The following TANC1 variants were observed in gnomAD, a reference collection of about 807,000 sequenced individuals.
TANC1 encodes tetratricopeptide repeat, ankyrin repeat and coiled-coil containing 1, also known as protein TANC1.
In TANC1, 77 loss-of-function variants were observed where a neutral mutation model predicts 149.7. The observed-to-expected ratio is 0.51, with a 90% CI of 0.43 to 0.62. The LOEUF is 0.62. Ranked by LOEUF, TANC1 falls within the 20% of genes least tolerant of loss-of-function variation. The pLI, the probability that TANC1 is intolerant of heterozygous loss-of-function variation, is 0.00. For missense variants in TANC1, 1,985 were observed against 2,321.8 expected, an observed-to-expected ratio of 0.85 and a Z score of 2.98; for synonymous variants, 854 against 925.0, an observed-to-expected ratio of 0.92 and a Z score of 1.39.
chr2:159,151,267 CTT>C (rs1229039626), intron 7 of TANC1, among the ~76,000 whole-genome samples: 2 of 152,186 alleles, frequency 1.3e-5, no homozygotes, highest in African/African-American at 4.8e-5. Context: ...ATTTAAGAGT[CTT>C]TATTTTTATA....
At chr2:159,112,243 T>G in intron 4 of TANC1, among the ~76,000 whole-genome samples, 1 of 152,076 alleles carries the variant, frequency 6.6e-6, no homozygotes, top group Non-Finnish European at 1.5e-5. Context: ...GTTGGTTTGT[T>G]TTTTGTTTTT....
chr2:159,225,792 G>T lies in TANC1; in HGVS notation c.3903+13G>T, dbSNP rs370022165. The T allele has an allele frequency of 1.0e-5, 16 of 1,601,530 alleles. No homozygotes were observed. The highest frequency in any genetic ancestry group is 1.3e-5 in the Non-Finnish European group (15 of 1,169,310). On this transcript the variant is annotated intron_variant, in intron 24 of 26. Transcript: ENST00000263635. ...TGTGATGTACAAAGTAAGTGGTTCC[G>T]CCCTTTTCTTTGCCATTGAAACTGC...
intron 3 of TANC1, among the ~76,000 whole-genome samples, chr2:159,067,778 C>G (rs1224805684): frequency 6.6e-6 from 1 of 152,162 alleles, no homozygotes; most frequent in Non-Finnish European, 1.5e-5. Flanking sequence ...GGTAACAGTT[C>G]TTCAAAACAG....
intron 2 of TANC1, among the ~76,000 whole-genome samples, chr2:159,043,590 A>G (rs1427191853): frequency 2.0e-5 from 3 of 152,150 alleles, no homozygotes; most frequent in Admixed American, 1.3e-4. Flanking sequence ...AGCTTTCCTA[A>G]TTTTATTGAC....
chr2:158,997,801 C>T (rs995052912), intron 1 of TANC1, among the ~76,000 whole-genome samples: 3 of 152,132 alleles, frequency 2.0e-5, no homozygotes, highest in Non-Finnish European at 1.5e-5. Context: ...AGAAGAATTT[C>T]GAGTAATGTT....
At chr2:159,201,938 C>A (rs2058276918) in intron 19 of TANC1, among the ~76,000 whole-genome samples, 1 of 152,240 alleles carries the variant, frequency 6.6e-6, no homozygotes, top group Admixed American at 6.5e-5. Flanking sequence ...AGGAGGACAG[C>A]TACCTGCCCA....
intron 2 of TANC1, among the ~76,000 whole-genome samples, chr2:159,059,888 T>TTGTGTGTGTGTG (rs140659801): frequency 0.06 from 6,872 of 114,622 alleles, 314 homozygotes; most frequent in Admixed American, 0.09. Flanking sequence ...GCAGACCTCT[T>TTGTGTGTGTGTG]TGTGTGTGTG....
intron 20 of TANC1, among the ~76,000 whole-genome samples, 182 bp downstream of exon 20, chr2:159,217,812 C>T (rs77532599): frequency 1.0e-3 from 159 of 152,290 alleles, no homozygotes; most frequent in East Asian, 8.7e-3. Flanking sequence ...CAGTTGGCCA[C>T]GTAGGCTGGG....
At chr2:159,084,249 C>G (rs1203846176) in intron 3 of TANC1, among the ~76,000 whole-genome samples, 3 of 126,708 alleles carry the variant, frequency 2.4e-5, no homozygotes, top group African/African-American at 8.7e-5. Context: ...GACTCCATCT[C>G]AAAAAAAAAA....
At chr2:159,215,290 T>G (rs2059272321) in intron 19 of TANC1, among the ~76,000 whole-genome samples, 1 of 152,052 alleles carries the variant, frequency 6.6e-6, no homozygotes, top group South Asian at 2.1e-4. Flanking sequence ...CTGTGACATG[T>G]GAAGAGGTGA....
chr2:159,120,593 A>T (rs943859046), intron 4 of TANC1, among the ~76,000 whole-genome samples: 1 of 152,184 alleles, frequency 6.6e-6, no homozygotes, highest in Non-Finnish European at 1.5e-5. Flanking sequence ...GTTTAAAAAA[A>T]TTTTAATTAT....
chr2:158,974,542 C>T (rs1271694122), intron 1 of TANC1, among the ~76,000 whole-genome samples: 1 of 152,122 alleles, frequency 6.6e-6, no homozygotes, highest in Non-Finnish European at 1.5e-5. Context: ...AAGTGATTCT[C>T]CTGCCTCGGC....
chr2:159,187,825 CATA>C (rs1191100271), intron 16 of TANC1, among the ~76,000 whole-genome samples: 2 of 152,258 alleles, frequency 1.3e-5, no homozygotes, highest in East Asian at 3.9e-4. Flanking sequence ...ATTCTATAAT[CATA>C]AGAAAGATGA....
intron 4 of TANC1, among the ~76,000 whole-genome samples, chr2:159,127,819 A>G (rs1259434152): frequency 1.3e-5 from 2 of 152,228 alleles, no homozygotes; most frequent in South Asian, 2.1e-4. Context: ...ATGTTTACCT[A>G]TGTAACAGAC....
intron 1 of TANC1, among the ~76,000 whole-genome samples, chr2:158,969,593 T>G (rs1460366789): frequency 6.6e-6 from 1 of 152,188 alleles, no homozygotes; most frequent in Non-Finnish European, 1.5e-5. Context: ...CGCAGCGCTG[T>G]GGGTGTGCGG....
At chr2:159,064,709 G>C (rs888735510) in intron 2 of TANC1, among the ~76,000 whole-genome samples, 6 of 152,186 alleles carry the variant, frequency 3.9e-5, no homozygotes, top group African/African-American at 1.4e-4. Flanking sequence ...TATGTTGTGT[G>C]ATTCTATGAA....
At chr2:159,129,925 T>C (rs1034633583) in intron 4 of TANC1, among the ~76,000 whole-genome samples, 2 of 152,182 alleles carry the variant, frequency 1.3e-5, no homozygotes, top group African/African-American at 4.8e-5. Context: ...GAGACCCCGT[T>C]CGTGCTACCA....
At chr2:159,091,981 TA>T in intron 3 of TANC1, among the ~76,000 whole-genome samples, 1 of 128,560 alleles carries the variant, frequency 7.8e-6, no homozygotes, top group Non-Finnish European at 1.6e-5. Flanking sequence ...TGTGTGTGTG[TA>T]TGTATGTAGA....
At chr2:159,207,697 C>CAAAAAAAAAAAAAAAAAAAAAAAAAAAA (rs10603858) in intron 19 of TANC1, among the ~76,000 whole-genome samples, 15 of 49,432 alleles carry the variant, frequency 3.0e-4, no homozygotes, top group Non-Finnish European at 3.6e-4. Flanking sequence ...ACACGTGTCT[C>CAAAAAAAAAAAAAAAAAAAAAAAAAAAA]AAAAAAAAAA....
Sources: gnomAD v4.1 joint callset for allele counts (sites outside exome capture counted in the v4.1 genomes callset) on GRCh38, gnomAD v4.1.1 for gene constraint, MANE v1.5 for transcripts, NCBI Gene and HGNC (gene_info 2026-07-23, HGNC 2026-07-21) for gene names.